SPECC1: variants seen among roughly 807,000 people sequenced by gnomAD.
SPECC1 encodes the protein sperm antigen with calponin homology and coiled-coil domains 1.
SPECC1 carries 62 observed loss-of-function variants against 104.1 expected under a neutral mutation model. That is an observed-to-expected ratio of 0.60 (90% confidence interval 0.49 to 0.74). SPECC1 has a LOEUF of 0.74. Ranked by LOEUF, SPECC1 falls within the 30% of genes least tolerant of loss-of-function variation. SPECC1 has a pLI of 0.00. For synonymous variants in SPECC1, 513 were observed against 501.6 expected, an observed-to-expected ratio of 1.02 and a Z score of -0.30; for missense variants, 1,306 against 1,310.5, an observed-to-expected ratio of 1.00 and a Z score of 0.05.
chr17:20,201,391 A>T (rs1597957985), intron 3 of SPECC1, among the ~76,000 whole-genome samples: 1 of 152,044 alleles, frequency 6.6e-6, no homozygotes, highest in Non-Finnish European at 1.5e-5. Context: ...CTGAGGCAGG[A>T]GAATCACTTA....
intron 1 of SPECC1, among the ~76,000 whole-genome samples, chr17:20,049,150 T>C (rs2045648955): frequency 6.6e-6 from 1 of 152,128 alleles, no homozygotes; most frequent in Non-Finnish European, 1.5e-5. Flanking sequence ...TTGCTTTCCA[T>C]AGAAGCCATC....
intron 3 of SPECC1, among the ~76,000 whole-genome samples, chr17:20,183,524 A>G (rs1164471226): frequency 1.3e-5 from 2 of 152,174 alleles, no homozygotes; most frequent in Admixed American, 6.5e-5. Flanking sequence ...TATCCTTGGG[A>G]GATTCATTCC....
intron 12 of SPECC1, among the ~76,000 whole-genome samples, chr17:20,279,254 G>A (rs534989775): frequency 3.8e-4 from 57 of 151,752 alleles, no homozygotes; most frequent in Middle Eastern, 3.4e-3. Flanking sequence ...TTCACAGGCT[G>A]AATTCAGTCT....
rs893042612 is a variant in SPECC1, at chr17:20,247,302, G to A, written c.2581G>A (p.Ala861Thr). ...GIPVRTAPAA[A>T]VSPMQRHSTY... ...ACCAGTGAGGACTGCTCCAGCAGCT[G>A]CTGTCTCTCCAATGCAGGTAGATGA... The change falls in exon 9 of 15, where the codon GCT (alanine) becomes ACT (threonine). Residue 861 changes from alanine (A) to threonine (T), a missense_variant. Coordinates refer to ENST00000395527, the MANE Select transcript of SPECC1 (RefSeq NM_001243439.2). The A allele has an allele frequency of 1.9e-6, 3 of 1,613,136 alleles. No individual in the cohort carries two copies. The African/African-American group carries it at 4.0e-5, about 22-fold the overall frequency.
chr17:20,117,937 T>C (rs1288584571), intron 3 of SPECC1, among the ~76,000 whole-genome samples: 1 of 151,564 alleles, frequency 6.6e-6, no homozygotes, highest in East Asian at 1.9e-4. Flanking sequence ...AAACCCTGTC[T>C]GTACAAAAAA....
intron 1 of SPECC1, among the ~76,000 whole-genome samples, chr17:20,014,519 C>T (rs2044048384): frequency 6.6e-6 from 1 of 152,118 alleles, no homozygotes; most frequent in African/African-American, 2.4e-5. Context: ...TTTCTGAACC[C>T]TTGCATGTTT....
intron 4 of SPECC1, among the ~76,000 whole-genome samples, chr17:20,218,373 C>T (rs766460941): frequency 1.3e-5 from 2 of 150,798 alleles, no homozygotes; most frequent in Non-Finnish European, 2.9e-5. Flanking sequence ...GGGGTTTAAA[C>T]CCTGGCGGTC....
At chr17:20,246,319 A>G (rs538872099) in intron 8 of SPECC1, among the ~76,000 whole-genome samples, 2 of 152,318 alleles carry the variant, frequency 1.3e-5, no homozygotes, top group Admixed American at 1.3e-4. Context: ...CCTTCCATCC[A>G]GTTCCTGCCT....
At chr17:20,054,736 T>C (rs3888318) in intron 1 of SPECC1, among the ~76,000 whole-genome samples, 79,361 of 151,748 alleles carry the variant, frequency 0.52, 21,237 homozygotes, top group Middle Eastern at 0.62. Flanking sequence ...GGTGCAATCA[T>C]GGCTCACTGC....
chr17:20,018,888 C>A (rs2044257455), intron 1 of SPECC1, among the ~76,000 whole-genome samples: 1 of 152,190 alleles, frequency 6.6e-6, no homozygotes, highest in African/African-American at 2.4e-5. Context: ...GGGGGCTGGT[C>A]ATGCAGGCCC....
At chr17:20,056,935 A>G (rs1329551357) in intron 1 of SPECC1, among the ~76,000 whole-genome samples, 3 of 152,248 alleles carry the variant, frequency 2.0e-5, no homozygotes. Context: ...GAGCCCTTCC[A>G]TTTCTTTCCT....
intron 2 of SPECC1, among the ~76,000 whole-genome samples, chr17:20,099,271 A>T (rs907482156): frequency 3.9e-5 from 6 of 151,924 alleles, no homozygotes; most frequent in African/African-American, 1.5e-4. Context: ...GTTTATTATT[A>T]TTTTTTCTAT....
In SPECC1 at chr17:20,205,631, CATA is replaced by C. The variant is rs764807881; in HGVS notation, c.1590_1592del (p.Asn531del). 4.5e-5 allele frequency: 73 copies of C among 1,614,116 alleles called. No individual in the cohort carries two copies. The African/African-American group carries it at 9.2e-4, about 20-fold the overall frequency. On this transcript the variant is annotated inframe_deletion, in exon 4 of 15. Transcript: ENST00000395527. The stretch of plus-strand genomic sequence containing the variant: ...GAATGAGTTTCTAGAACTGGAACGG[CATA>C]ATAATAACATGATGGCCAAAACTTT...
intron 4 of SPECC1, among the ~76,000 whole-genome samples, chr17:20,219,869 G>T (rs1467875651): frequency 6.6e-6 from 1 of 152,014 alleles, no homozygotes; most frequent in Non-Finnish European, 1.5e-5. Context: ...TATGGGGGGG[G>T]TGTCTAGTTT....
intron 12 of SPECC1, among the ~76,000 whole-genome samples, chr17:20,293,133 A>G (rs149332703): frequency 4.6e-5 from 7 of 152,106 alleles, no homozygotes; most frequent in Non-Finnish European, 1.0e-4. Flanking sequence ...GACCAACCTT[A>G]TTGCTAAGGG....
chr17:20,131,029 T>C (rs560017798), intron 3 of SPECC1, among the ~76,000 whole-genome samples: 22 of 152,350 alleles, frequency 1.4e-4, no homozygotes, highest in African/African-American at 5.3e-4. Context: ...TGTGTGTTCA[T>C]TGCTAGTATA....
At chr17:20,049,425 A>G (rs141289213) in intron 1 of SPECC1, among the ~76,000 whole-genome samples, 140 of 152,300 alleles carry the variant, frequency 9.2e-4, no homozygotes, top group Admixed American at 2.5e-3. Context: ...CAAAAAATAA[A>G]TAAGTAAAAG....
intron 12 of SPECC1, among the ~76,000 whole-genome samples, chr17:20,292,692 G>A (rs1015789386): frequency 6.6e-6 from 1 of 152,164 alleles, no homozygotes; most frequent in Non-Finnish European, 1.5e-5. Flanking sequence ...AAGAGACTTT[G>A]AAGCCAAGAG....
chr17:20,277,549 T>C (rs1353231039), intron 12 of SPECC1, among the ~76,000 whole-genome samples: 1 of 152,180 alleles, frequency 6.6e-6, no homozygotes, highest in African/African-American at 2.4e-5. Flanking sequence ...ATCTGGTTTT[T>C]CTTTTTTTCT....
Sources: allele counts gnomAD v4.1 joint callset (sites outside exome capture counted in the v4.1 genomes callset), GRCh38; gene constraint gnomAD v4.1.1; transcripts MANE v1.5; gene names NCBI Gene and HGNC (gene_info 2026-07-23, HGNC 2026-07-21).